Variants in MBD5 observed in about 807,000 individuals in gnomAD.
MBD5 encodes the protein methyl-CpG-binding domain protein 5.
In MBD5, 13 loss-of-function variants were observed where a neutral mutation model predicts 117.3. The ratio of observed to expected loss-of-function variants is 0.11; its 90% CI spans 0.07 to 0.18. The LOEUF (loss-of-function observed/expected upper bound fraction) is 0.18. Ranked by LOEUF, MBD5 falls within the 10% of genes least tolerant of loss-of-function variation. The pLI is 1.00. For synonymous variants in MBD5, 727 were observed against 766.4 expected (o/e 0.95, Z 0.85); for missense variants, 1,879 against 2,093.8 (o/e 0.90, Z 2.00).
At chr2:148,128,008 G>A (rs1255358226) in intron 1 of MBD5, among the ~76,000 whole-genome samples, 1 of 152,148 alleles carries the variant, frequency 6.6e-6, no homozygotes, top group African/African-American at 2.4e-5. Flanking sequence ...TTTTTCATAC[G>A]TGTGTTAGCT....
At chr2:148,022,777 G>C (rs1336609886) in intron 1 of MBD5, among the ~76,000 whole-genome samples, 1 of 152,140 alleles carries the variant, frequency 6.6e-6, no homozygotes, top group Non-Finnish European at 1.5e-5. Flanking sequence ...TGAACTTATA[G>C]TTAGTATATT....
In MBD5 at chr2:148,468,821, G is replaced by A. The variant is rs1308199248; in HGVS notation, c.878G>A (p.Gly293Glu). ...SPVQSSCAMA[G>E]RTNIPLSPTL... ...GTACAGTCATCCTGTGCAATGGCTG[G>A]AAGGACTAATATACCTCTTTCCCCA... is the stretch of plus-strand genomic sequence containing the variant. The change falls in exon 8 of 14, where the codon GGA becomes GAA. Residue 293 changes from glycine to glutamate, a missense_variant. Transcript: ENST00000642680. 1 of 1,613,900 alleles carries A rather than the reference G, an allele frequency of 6.2e-7. No individual in the cohort carries two copies. Among genetic ancestry groups the A allele is most frequent in the Non-Finnish European group, 8.5e-7 (1 of 1,179,894 alleles).
In MBD5 at chr2:148,424,358, A is replaced by C. The variant is rs187586449; in HGVS notation, c.-556-33845A>C. Among the ~76,000 whole-genome samples, 9 of 152,080 alleles carry C rather than the reference A, an allele frequency of 5.9e-5. No homozygotes were observed. In the South Asian group the frequency reaches 1.7e-3, roughly 28 times the overall value. On this transcript the variant is annotated intron_variant, in intron 4 of 13. Coordinates refer to ENST00000642680, the MANE Select transcript of MBD5 (RefSeq NM_001378120.1). The stretch of plus-strand genomic sequence containing the variant: ...ATTATCCTAAATATATATGCACCCA[A>C]TACGGGAGCACCCAGACTCATAAAG...
At chr2:148,309,594 G>A (rs1327999752) in intron 3 of MBD5, among the ~76,000 whole-genome samples, 2 of 152,166 alleles carry the variant, frequency 1.3e-5, no homozygotes, top group Non-Finnish European at 2.9e-5. Context: ...TGCAAACAGA[G>A]ACAATTTGAC....
intron 1 of MBD5, among the ~76,000 whole-genome samples, chr2:148,088,907 A>G (rs1220401030): frequency 1.3e-5 from 2 of 152,176 alleles, no homozygotes; most frequent in African/African-American, 2.4e-5. Flanking sequence ...AAGGTACAGA[A>G]TGGCAGAATG....
intron 1 of MBD5, chr2:148,025,765 T>C (rs563087643): frequency 6.6e-6 from 1 of 152,080 alleles, no homozygotes; most frequent in African/African-American, 2.4e-5. Context: ...TATTTAGGAG[T>C]TTTGGAATTT....
intron 4 of MBD5, among the ~76,000 whole-genome samples, chr2:148,383,650 CAA>C (rs141039307): frequency 1.0e-4 from 15 of 149,214 alleles, no homozygotes; most frequent in African/African-American, 2.2e-4. Context: ...AGAGACAAAA[CAA>C]AAAAAAAAAG....
At chr2:148,221,368 A>G (rs1015488873) in intron 2 of MBD5, among the ~76,000 whole-genome samples, 1 of 152,106 alleles carries the variant, frequency 6.6e-6, no homozygotes, top group African/African-American at 2.4e-5. Context: ...TGCTTTTAGT[A>G]ATTTACATTC....
intron 3 of MBD5, among the ~76,000 whole-genome samples, chr2:148,262,914 T>C (rs944447585): frequency 1.3e-5 from 2 of 149,048 alleles, no homozygotes; most frequent in Non-Finnish European, 2.9e-5. Flanking sequence ...GAGGAAAGCA[T>C]GGATGTTAGT....
At chr2:148,392,597 C>T (rs1704598511) in intron 4 of MBD5, among the ~76,000 whole-genome samples, 1 of 152,148 alleles carries the variant, frequency 6.6e-6, no homozygotes, top group Non-Finnish European at 1.5e-5. Context: ...TTCCAAATTA[C>T]TTCTTGAGAA....
At chr2:148,440,377 G>A (rs571071880) in intron 4 of MBD5, among the ~76,000 whole-genome samples, 10 of 152,226 alleles carry the variant, frequency 6.6e-5, no homozygotes, top group African/African-American at 2.4e-4. Context: ...TGTGTGCCAG[G>A]CACTTTTCTA....
At position 148,281,426 on chromosome 2, in the gene MBD5, C is replaced by T. The variant is rs73013052; in HGVS notation, c.-680+48031C>T. Among the ~76,000 whole-genome samples the T allele has an allele frequency of 5.5e-3, 843 of 152,056 alleles. 9 individuals carry two copies. The highest frequency in any genetic ancestry group is 0.02 in the African/African-American group (816 of 41,512). On this transcript the variant is annotated intron_variant, in intron 3 of 13. Coordinates refer to ENST00000642680, the MANE Select transcript of MBD5 (RefSeq NM_001378120.1). ...TCCAAGAATTTTTGTCATTTTTTTG[C>T]ATACACCAATTCTTATATTTTCTTT... is the stretch of plus-strand genomic sequence containing the variant.
At chr2:148,479,004 T>C (rs1174269196) in intron 8 of MBD5, among the ~76,000 whole-genome samples, 1 of 152,134 alleles carries the variant, frequency 6.6e-6, no homozygotes, top group Non-Finnish European at 1.5e-5. Context: ...TAACAGACCA[T>C]AGGGTTTTTG....
intron 4 of MBD5, among the ~76,000 whole-genome samples, chr2:148,364,541 G>A (rs961807408): frequency 6.6e-6 from 1 of 151,984 alleles, no homozygotes; most frequent in African/African-American, 2.4e-5. Flanking sequence ...TTAGACACAG[G>A]CTGGCAAATC....
intron 4 of MBD5, among the ~76,000 whole-genome samples, chr2:148,356,150 T>C (rs999778515): frequency 6.6e-6 from 1 of 152,188 alleles, no homozygotes; most frequent in African/African-American, 2.4e-5. Flanking sequence ...GCAACCATAA[T>C]TAACCATGTA....
intron 1 of MBD5, among the ~76,000 whole-genome samples, chr2:148,070,412 A>G (rs1695319001): frequency 6.6e-6 from 1 of 152,200 alleles, no homozygotes; most frequent in Non-Finnish European, 1.5e-5. Context: ...TTTTCCAAAA[A>G]TATTACAACC....
chr2:148,058,973 A>G (rs564299262), intron 1 of MBD5, among the ~76,000 whole-genome samples: 2 of 152,316 alleles, frequency 1.3e-5, no homozygotes, highest in East Asian at 3.9e-4. Context: ...TATGAAGTGT[A>G]TTTGATGGAT....
chr2:148,038,711 G>C (rs895132852), intron 1 of MBD5, among the ~76,000 whole-genome samples: 1 of 151,686 alleles, frequency 6.6e-6, no homozygotes, highest in Non-Finnish European at 1.5e-5. Flanking sequence ...TCACATGTAA[G>C]GTTTTGACTA....
At chr2:148,213,079 T>TGAAAGCA (rs1699466102) in intron 2 of MBD5, among the ~76,000 whole-genome samples, 2 of 152,222 alleles carry the variant, frequency 1.3e-5, no homozygotes, top group African/African-American at 4.8e-5. Flanking sequence ...GTAAGCTCTT[T>TGAAAGCA]GAAAGCAGGA....
Sources: gnomAD v4.1 joint callset for allele counts (sites outside exome capture counted in the v4.1 genomes callset) on GRCh38, gnomAD v4.1.1 for gene constraint, MANE v1.5 for transcripts, NCBI Gene and HGNC (gene_info 2026-07-23, HGNC 2026-07-21) for gene names.